The following BTBD7 variants were observed in gnomAD, a reference collection of about 807,000 sequenced individuals.
BTBD7 encodes BTB domain containing 7, also known as BTB/POZ domain-containing protein 7.
Under a neutral mutation model 99.9 loss-of-function variants are expected in BTBD7, and 38 were observed. The ratio of observed to expected loss-of-function variants is 0.38; its 90% CI spans 0.29 to 0.50. The LOEUF (loss-of-function observed/expected upper bound fraction) is 0.50. Ranked by LOEUF, BTBD7 falls within the 20% of genes least tolerant of loss-of-function variation. The probability of loss-of-function intolerance (pLI) is 0.93; values close to 1 mark genes in which losing one functional copy is unlikely to be tolerated. For synonymous variants in BTBD7, 520 were observed against 511.4 expected, an observed-to-expected ratio of 1.02 and a Z score of -0.23; for missense variants, 1,170 against 1,394.6, an observed-to-expected ratio of 0.84 and a Z score of 2.57.
chr14:93,283,325 G>T (rs1595308937), intron 3 of BTBD7, among the ~76,000 whole-genome samples: 1 of 152,044 alleles, frequency 6.6e-6, no homozygotes, highest in Non-Finnish European at 1.5e-5. Flanking sequence ...CTATCCATCC[G>T]CCATGGCCTC....
At chr14:93,279,247 T>C (rs1265489570) in intron 3 of BTBD7, among the ~76,000 whole-genome samples, 1 of 152,222 alleles carries the variant, frequency 6.6e-6, no homozygotes, top group Non-Finnish European at 1.5e-5. Context: ...TTTGCCTCTG[T>C]TGCCTCATTT....
chr14:93,317,708 G>A (rs8005060), intron 1 of BTBD7, among the ~76,000 whole-genome samples: 11,966 of 152,226 alleles, frequency 0.079, 1,007 homozygotes, highest in African/African-American at 0.21. Flanking sequence ...AGGTCTCTGG[G>A]AAATTGGATT....
chr14:93,319,127 G>A (rs992615699), intron 1 of BTBD7, among the ~76,000 whole-genome samples: 3 of 152,200 alleles, frequency 2.0e-5, no homozygotes, highest in Non-Finnish European at 4.4e-5. Flanking sequence ...GATCACTTGA[G>A]TCCAGGCATT....
At chr14:93,254,018 A>G (rs2052401173) in intron 6 of BTBD7, among the ~76,000 whole-genome samples, 1 of 151,686 alleles carries the variant, frequency 6.6e-6, no homozygotes, top group Admixed American at 6.6e-5. Context: ...GCTCACTGCA[A>G]CCTCCGTCTC....
intron 3 of BTBD7, among the ~76,000 whole-genome samples, chr14:93,267,883 A>G (rs955815094): frequency 6.6e-6 from 1 of 152,196 alleles, no homozygotes; most frequent in African/African-American, 2.4e-5. Context: ...TCCCACCTCC[A>G]GTCTTTCCCT....
In BTBD7 at chr14:93,332,858, C is replaced by G. The variant is rs543377358; in HGVS notation, c.-145G>C. On this transcript the variant is annotated 5_prime_UTR_variant, in exon 1 of 11. Coordinates refer to ENST00000334746, the MANE Select transcript of BTBD7 (RefSeq NM_001002860.4). ...CCCGCCGCTGCTGCTGCCGCTGGGACCGCTGCCGTCGCCTCCGCCGCCGCC... is the reference window on the plus strand; with the variant it reads ...CCCGCCGCTGCTGCTGCCGCTGGGAGCGCTGCCGTCGCCTCCGCCGCCGCC... The G allele has an allele frequency of 5.8e-5, 86 of 1,476,634 alleles. No individual in the cohort carries two copies. The South Asian group carries it at 9.7e-4, about 17-fold the overall frequency. The allele number at this position is 1,476,634 out of a possible 1,614,324, so 91.5% of individuals were successfully genotyped here.
In BTBD7 at chr14:93,300,704, TTGTGTGTGTGTGTGTGTGTGTGTGTG is replaced by T. The variant is rs57228905; in HGVS notation, c.-106-4573_-106-4548del. On this transcript the variant is annotated intron_variant, in intron 1 of 10. Transcript: ENST00000334746. Reference sequence around the variant, plus strand: ...GCGTGTGCCATCATGCCCAGCTAATTTGTGTGTGTGTGTGTGTGTGTGTGTGTGTGTGTGTGTGTGTGTGTGTGTGT... The same window carrying T: ...GCGTGTGCCATCATGCCCAGCTAATTTGTGTGTGTGTGTGTGTGTGTGTGT... 3.0e-3 allele frequency among the ~76,000 whole-genome samples: 264 copies of T among 87,094 alleles called. 4 individuals are homozygous for T. The highest frequency in any genetic ancestry group is 3.7e-3 in the Non-Finnish European group (167 of 45,636). The allele number at this position is 87,094 out of a possible 152,430, so 57.1% of individuals were successfully genotyped here.
chr14:93,290,307 G>T (rs1380513598), intron 3 of BTBD7, among the ~76,000 whole-genome samples: 1 of 151,668 alleles, frequency 6.6e-6, no homozygotes, highest in African/African-American at 2.4e-5. Flanking sequence ...TCGCCTCCTG[G>T]GTTCACGCCA....
intron 1 of BTBD7, among the ~76,000 whole-genome samples, chr14:93,329,052 T>A (rs534328451): frequency 6.6e-6 from 1 of 152,250 alleles, no homozygotes; most frequent in East Asian, 1.9e-4. Flanking sequence ...AATTAAAAAC[T>A]GTGTGTACAT....
At chr14:93,327,907 G>C (rs935470134) in intron 1 of BTBD7, among the ~76,000 whole-genome samples, 1 of 152,082 alleles carries the variant, frequency 6.6e-6, no homozygotes, top group Non-Finnish European at 1.5e-5. Flanking sequence ...AAAACTATTA[G>C]AACTAATAAA....
chr14:93,297,710 T>C (rs948641811), intron 1 of BTBD7, among the ~76,000 whole-genome samples: 10 of 152,242 alleles, frequency 6.6e-5, no homozygotes, highest in African/African-American at 2.2e-4. Flanking sequence ...ATAGTGGTTC[T>C]TTCAAAGAAA....
In BTBD7 at chr14:93,241,953, TAC is replaced by T. The variant is rs960489741; in HGVS notation, c.*318_*319del. ...GTTTAACATACTGATATAAAATCAA[TAC>T]AGAGAAAATAAATGTACAAGTGCAA... On this transcript the variant is annotated 3_prime_UTR_variant, in exon 11 of 11. Transcript: ENST00000334746. 5 of 384,756 alleles carry T rather than the reference TAC, an allele frequency of 1.3e-5. No individual in the cohort carries two copies. The highest frequency in any genetic ancestry group is 6.4e-5 in the South Asian group (1 of 15,742). The allele number at this position is 384,756 out of a possible 1,614,324, so 23.8% of individuals were successfully genotyped here. A position where few individuals can be genotyped will look rare whatever the true frequency, so the allele number is the denominator to read the frequency against.
At chr14:93,303,106 G>C (rs999692290) in intron 1 of BTBD7, among the ~76,000 whole-genome samples, 2 of 152,176 alleles carry the variant, frequency 1.3e-5, no homozygotes, top group South Asian at 4.1e-4. Context: ...AGTAGTAAGA[G>C]CAAAGCAGCA....
At chr14:93,301,741 C>T (rs943742512) in intron 1 of BTBD7, among the ~76,000 whole-genome samples, 1 of 152,074 alleles carries the variant, frequency 6.6e-6, no homozygotes, top group Non-Finnish European at 1.5e-5. Context: ...AAATGTAAAA[C>T]TATACTAATA....
At chr14:93,274,205 T>C (rs1320787671) in intron 3 of BTBD7, among the ~76,000 whole-genome samples, 2 of 152,330 alleles carry the variant, frequency 1.3e-5, no homozygotes, top group South Asian at 2.1e-4. Context: ...CTGGCCACCA[T>C]CTTGAAGATT....
chr14:93,286,850 A>C (rs1402551606), intron 3 of BTBD7, among the ~76,000 whole-genome samples: 1 of 152,200 alleles, frequency 6.6e-6, no homozygotes, highest in Non-Finnish European at 1.5e-5. Context: ...ACAGACTTCA[A>C]AGATATGATA....
At position 93,263,896 on chromosome 14, in the gene BTBD7, T is replaced by C. The variant is rs375384828; in HGVS notation, c.1260A>G (p.Arg420=). The C allele has an allele frequency of 9.5e-5, 154 of 1,614,038 alleles. No individual in the cohort carries two copies. Among genetic ancestry groups the C allele is most frequent in the Non-Finnish European group, 1.3e-4 (150 of 1,180,014 alleles). Reference sequence around the variant, plus strand: ...CCTCACAGAGGAAATGTAAAGCTTGTCGGTGCACCCATTTAGAGCCATATG... The same window carrying C: ...CCTCACAGAGGAAATGTAAAGCTTGCCGGTGCACCCATTTAGAGCCATATG... ...SHPYGSKWVH[R]QALHFLCEEF... Residue 420 remains arginine, a synonymous_variant, in exon 4 of 11, where the codon CGA becomes CGG. Transcript: ENST00000334746.
intron 9 of BTBD7, among the ~76,000 whole-genome samples, chr14:93,247,046 A>G (rs2052319560): frequency 6.6e-6 from 1 of 152,146 alleles, no homozygotes; most frequent in African/African-American, 2.4e-5. Flanking sequence ...TCTTTTTTTG[A>G]GACAGGGTCT....
At chr14:93,255,628 T>C (rs538737856) in intron 6 of BTBD7, 1 of 151,966 alleles carries the variant, frequency 6.6e-6, no homozygotes, top group South Asian at 2.1e-4. Context: ...CTCGAGCAGC[T>C]GGGATTAACG....
Sources: gnomAD v4.1 joint callset for allele counts (sites outside exome capture counted in the v4.1 genomes callset) on GRCh38, gnomAD v4.1.1 for gene constraint, MANE v1.5 for transcripts, NCBI Gene and HGNC (gene_info 2026-07-23, HGNC 2026-07-21) for gene names.